The following NEB variants were observed in gnomAD, a reference collection of about 807,000 sequenced individuals.
The protein encoded by NEB is nebulin.
NEB carries 512 observed loss-of-function variants against 952.2 expected under a neutral mutation model. That is an observed-to-expected ratio of 0.54 (90% CI 0.50 to 0.58). NEB has a LOEUF of 0.58. Ranked by LOEUF, NEB falls within the 20% of genes least tolerant of loss-of-function variation. The pLI is 0.00. For missense variants in NEB, 8,428 were observed against 9,231.1 expected, an observed-to-expected ratio of 0.91 and a Z score of 3.56; for synonymous variants, 2,900 against 3,149.8, an observed-to-expected ratio of 0.92 and a Z score of 2.66.
intron 13 of NEB, among the ~76,000 whole-genome samples, chr2:151,698,799 G>A (rs1175082319): frequency 1.1e-4 from 16 of 151,622 alleles, no homozygotes; most frequent in East Asian, 1.9e-4. Flanking sequence ...CACCATGCCC[G>A]GCTAATTTTT....
In NEB at chr2:151,485,581, G is replaced by A; in HGVS notation, c.*179C>T. On this transcript the variant is annotated 3_prime_UTR_variant, in exon 182 of 182. Coordinates refer to ENST00000397345, the MANE Select transcript of NEB (RefSeq NM_001164508.2). ...AAATAATATTGCAGAAGCTTTTAAA[G>A]TGTCTGTTCTGCAACTTATTTTAAA... 2 of 485,188 alleles carry A rather than the reference G, an allele frequency of 4.1e-6. No individual in the cohort carries two copies. The highest frequency in any genetic ancestry group is 3.0e-5 in the East Asian group (1 of 33,066). The allele number at this position is 485,188 out of a possible 1,614,324, so 30.1% of individuals were successfully genotyped here.
At position 151,485,830 on chromosome 2, in the gene NEB, C is replaced by G. The variant is rs1206080778; in HGVS notation, c.25508G>C (p.Trp8503Ser). ...IINVQAIDEGWMYGTVQRTGR... is the reference protein window; with the variant it reads ...IINVQAIDEGSMYGTVQRTGR... ...AGTCCTCTGCACAGTGCCATACATC[C>G]AGCCTTCATCAATTGCTTGAACATT... is the stretch of plus-strand genomic sequence containing the variant. Residue 8503 changes from tryptophan (W) to serine (S), a missense_variant, in exon 182 of 182, where the codon TGG becomes TCG. Trp to Ser is a radical substitution (Grantham distance 177). Around this residue, in one of 11 missense-constraint regions of NEB, gnomAD observed 3,374 missense variants for 3,651.5 expected, o/e 0.92. Transcript: ENST00000397345. 1.2e-6 allele frequency: 2 copies of G among 1,613,976 alleles called. No homozygotes were observed. Among genetic ancestry groups the G allele is most frequent in the Non-Finnish European group, 1.7e-6 (2 of 1,179,964 alleles).
intron 164 of NEB, 192 bp downstream of exon 164, chr2:151,505,974 C>T (rs2068566920): frequency 1.6e-6 from 1 of 609,362 alleles, no homozygotes; most frequent in East Asian, 2.8e-5. Flanking sequence ...TAATCTCTCC[C>T]TCATGAAAAC....
rs766054366 is a variant in NEB at position 151,664,880 on chromosome 2, A to C, written c.5239-17T>G. 1.9e-6 allele frequency: 3 copies of C among 1,569,994 alleles called. No homozygotes were observed. The East Asian group carries it at 6.8e-5, about 35-fold the overall frequency. On this transcript the variant is annotated splice_polypyrimidine_tract_variant and intron_variant, in intron 42 of 181. Transcript: ENST00000397345. The stretch of plus-strand genomic sequence containing the variant: ...GTAGAGCCTCTGCAATGAGAAAGTC[A>C]GGTGCATGATTTTACAGCAGGACAA...
chr2:151,625,786 A>G, intron 70 of NEB, 148 bp from the exon 71 acceptor site: 1 of 491,644 alleles, frequency 2.0e-6, no homozygotes, highest in Non-Finnish European at 3.5e-6. Flanking sequence ...CTTTGATTTT[A>G]CAAGACATTT....
rs1267639761 is a variant in NEB at position 151,503,437 on chromosome 2, A to G, written c.23747T>C (p.Met7916Thr). The change falls in exon 166 of 182, where the codon ATG becomes ACG. Residue 7916 changes from methionine (M) to threonine (T), a missense_variant. Transcript: ENST00000397345. ...KETQKHISSV[M>T]YKENLGTGIP... ...GCCTGTTCCCAAGTTTTCTTTGTACATAACCTGTAGAAAATAATTAGAATA... is the reference window on the plus strand; with the variant it reads ...GCCTGTTCCCAAGTTTTCTTTGTACGTAACCTGTAGAAAATAATTAGAATA... 7 of 1,602,112 alleles carry G rather than the reference A, an allele frequency of 4.4e-6. No homozygotes were observed. Among genetic ancestry groups the G allele is most frequent in the African/African-American group, 1.3e-5 (1 of 74,656 alleles).
At chr2:151,514,226 C>A in intron 159 of NEB, 92 bp downstream of exon 159, 1 of 830,982 alleles carries the variant, frequency 1.2e-6, no homozygotes, top group Non-Finnish European at 2.0e-6. Flanking sequence ...TTTCTCTGTT[C>A]TCTGTTTTTG....
chr2:151,538,385 C>A, intron 138 of NEB, 141 bp from the exon 139 acceptor site: 1 of 634,512 alleles, frequency 1.6e-6, no homozygotes, highest in South Asian at 2.0e-5. Context: ...ATTTCAGACC[C>A]TAGAAGAGAA....
chr2:151,684,349 A>G (rs1427850728), intron 28 of NEB, among the ~76,000 whole-genome samples: 2 of 152,228 alleles, frequency 1.3e-5, no homozygotes, highest in African/African-American at 4.8e-5. Flanking sequence ...GTTAAATCAT[A>G]TATTTTCTTT....
intron 8 of NEB, among the ~76,000 whole-genome samples, 159 bp from the exon 9 acceptor site, chr2:151,723,645 C>T (rs1401041631): frequency 6.6e-6 from 1 of 151,966 alleles, no homozygotes; most frequent in Non-Finnish European, 1.5e-5. Flanking sequence ...CCATCCAACC[C>T]AAGTCATTTT....
intron 129 of NEB, among the ~76,000 whole-genome samples, chr2:151,550,266 C>CAAAAAAAAAAAAAAAAAAAAAAAAA (rs57057802): frequency 1.4e-5 from 1 of 73,366 alleles, no homozygotes; most frequent in Non-Finnish European, 2.5e-5. Context: ...ACCCTGTCTC[C>CAAAAAAAAAAAAAAAAAAAAAAAAA]AAAAAAAAAA....
intron 181 of NEB, among the ~76,000 whole-genome samples, chr2:151,487,268 T>C (rs2051495814): frequency 6.6e-6 from 1 of 152,170 alleles, no homozygotes; most frequent in Admixed American, 6.5e-5. Context: ...AGTGTTAAAA[T>C]TGTAATAATT....
chr2:151,519,903 A>G (rs2153398488), intron 153 of NEB, 135 bp from the exon 154 acceptor site: 2 of 596,226 alleles, frequency 3.4e-6, no homozygotes, highest in Non-Finnish European at 3.0e-6. Context: ...CCAAACTGGG[A>G]CATTTAGAGT....
At chr2:151,724,629 C>T (rs956762283) in intron 7 of NEB, among the ~76,000 whole-genome samples, 13 of 152,162 alleles carry the variant, frequency 8.5e-5, no homozygotes, top group Non-Finnish European at 1.6e-4. Context: ...AGCCTGGAGC[C>T]GAGTCACAGC....
At chr2:151,562,037 C>T (rs138272049) in intron 121 of NEB, 73 bp downstream of exon 121, 7 of 1,186,282 alleles carry the variant, frequency 5.9e-6, no homozygotes, top group Non-Finnish European at 8.8e-6. Context: ...CTTTGCCTGC[C>T]CATCAGCCCA....
At chr2:151,733,285 G>T in intron 2 of NEB, 100 bp from the exon 3 acceptor site, 2 of 859,134 alleles carry the variant, frequency 2.3e-6, no homozygotes, top group Non-Finnish European at 3.6e-6. Flanking sequence ...CTAAACTATT[G>T]TACAAATTCA....
chr2:151,569,107 T>C (rs1376042408), intron 110 of NEB, among the ~76,000 whole-genome samples, 161 bp downstream of exon 110: 1 of 152,242 alleles, frequency 6.6e-6, no homozygotes, highest in Non-Finnish European at 1.5e-5. Context: ...GGTCCCATAA[T>C]GTGATAGCGA....
chr2:151,618,977 G>C (rs1027662382), intron 73 of NEB, among the ~76,000 whole-genome samples: 46 of 152,186 alleles, frequency 3.0e-4, no homozygotes, highest in African/African-American at 8.4e-4. Context: ...AGGACATGCT[G>C]AATGTTGATA....
chr2:151,664,916 A>T (rs896989384), intron 42 of NEB, 53 bp from the exon 43 acceptor site: 6 of 1,309,870 alleles, frequency 4.6e-6, no homozygotes, highest in Non-Finnish European at 6.5e-6. Flanking sequence ...GTTTGACCCA[A>T]TGCTAGCAAG....
Sources: gnomAD v4.1 joint callset for allele counts (sites outside exome capture counted in the v4.1 genomes callset) on GRCh38, gnomAD v4.1.1 for gene constraint, gnomAD v4.1.1 regional missense constraint, MANE v1.5 for transcripts, NCBI Gene and HGNC (gene_info 2026-07-23, HGNC 2026-07-21) for gene names.